Variants in ATP6V1B1 observed in about 807,000 individuals in gnomAD.
The protein encoded by ATP6V1B1 is ATPase H+ transporting V1 subunit B1.
A neutral mutation model predicts 62.1 loss-of-function variants in ATP6V1B1; 41 were observed. The ratio of observed to expected loss-of-function variants is 0.66; its 90% CI spans 0.51 to 0.86. The LOEUF (loss-of-function observed/expected upper bound fraction) is 0.86. Ranked by LOEUF, ATP6V1B1 falls within the 40% of genes least tolerant of loss-of-function variation. The pLI, the probability that ATP6V1B1 is intolerant of heterozygous loss-of-function variation, is 0.00. For missense variants in ATP6V1B1, 651 were observed against 697.5 expected, an observed-to-expected ratio of 0.93 and a Z score of 0.75; for synonymous variants, 253 against 273.4, an observed-to-expected ratio of 0.93 and a Z score of 0.74.
chr2:70,948,819 T>C (rs1381292019), intron 2 of ATP6V1B1, among the ~76,000 whole-genome samples: 2 of 152,100 alleles, frequency 1.3e-5, no homozygotes, highest in African/African-American at 4.8e-5. Flanking sequence ...CCCTTCCGTG[T>C]GATTGTCAGG....
chr2:70,963,776 C>T lies in ATP6V1B1; in HGVS notation c.1143+122C>T, dbSNP rs528175444. 6 of 1,050,356 alleles carry T rather than the reference C, an allele frequency of 5.7e-6. No individual in the cohort carries two copies. Among genetic ancestry groups the T allele is most frequent in the African/African-American group, 4.7e-5 (3 of 63,314 alleles). 65.1% of individuals were successfully genotyped at this position (1,050,356 alleles called of 1,614,324 possible). On this transcript the variant is annotated intron_variant, in intron 11 of 13. Transcript: ENST00000234396. This position sits in a 1 kb window ranked among gnomAD's most constrained non-coding sequence, Gnocchi z 4.3. ...GCCAAAGCGAACCCCAAACAGGAGA[C>T]AGCCACAGGGAAGACTGCATGGTTC...
In ATP6V1B1 at chr2:70,963,600, G is replaced by A. The variant is rs782584396; in HGVS notation, c.1089G>A (p.Thr363=). 17 of 1,614,038 alleles carry A rather than the reference G, an allele frequency of 1.1e-5. No homozygotes were observed. Among genetic ancestry groups the A allele is most frequent in the Admixed American group, 1.7e-5 (1 of 60,004 alleles). Residue 363 remains threonine (T), a synonymous_variant, in exon 11 of 14, where the codon ACG becomes ACA. Transcript: ENST00000234396. The surrounding 1 kb of genome is among the most constrained non-coding windows in gnomAD (Gnocchi z 4.3). The part of the protein sequence containing the change: ...DDITHPIPDL[T]GFITEGQIYV... ...TCACCCACCCTATCCCAGACTTGAC[G>A]GGCTTCATCACAGAGGGACAGATCT...
At chr2:70,961,750 A>G (rs1435008380) in intron 8 of ATP6V1B1, 57 bp downstream of exon 8, 14 of 1,534,162 alleles carry the variant, frequency 9.1e-6, no homozygotes, top group Non-Finnish European at 1.3e-5. Context: ...GTCCCCTTCC[A>G]AGACCTACAG....
intron 8 of ATP6V1B1, 137 bp from the exon 9 acceptor site, chr2:70,962,640 G>C: frequency 1.4e-6 from 2 of 1,410,528 alleles, no homozygotes; most frequent in Non-Finnish European, 9.7e-7. Flanking sequence ...GGGGATGGGG[G>C]CAAGGGCTCA....
intron 2 of ATP6V1B1, among the ~76,000 whole-genome samples, chr2:70,949,925 T>C (rs1182121915): frequency 1.3e-5 from 2 of 152,248 alleles, no homozygotes; most frequent in African/African-American, 4.8e-5. Flanking sequence ...TGCTCATCTG[T>C]CTTTTAATTG....
At chr2:70,947,529 C>T (rs1680212104) in intron 2 of ATP6V1B1, 1 of 152,230 alleles carries the variant, frequency 6.6e-6, no homozygotes, top group Admixed American at 6.5e-5. Flanking sequence ...GGAGTAAGCA[C>T]TCACCTTAAC....
At chr2:70,948,292 G>A (rs1281641277) in intron 2 of ATP6V1B1, 1 of 154,380 alleles carries the variant, frequency 6.5e-6, no homozygotes, top group Non-Finnish European at 1.5e-5. Context: ...AGGCTGAAGT[G>A]CAATGGCACG....
intron 2 of ATP6V1B1, chr2:70,944,230 G>A: frequency 7.8e-7 from 1 of 1,288,916 alleles, no homozygotes; most frequent in South Asian, 1.2e-5. Context: ...AACATGGGTG[G>A]TAAGTGAAGT....
At chr2:70,942,550 G>A (rs1283732758) in intron 1 of ATP6V1B1, 16 of 395,716 alleles carry the variant, frequency 4.0e-5, no homozygotes, top group Admixed American at 2.2e-4. Context: ...GGCCAGGCTT[G>A]CCCAAAGCAA....
Position 70,965,232 on chromosome 2 carries a change from C to G in ATP6V1B1, c.*111C>G, listed in dbSNP as rs571463662. ...CTTCTGCGCCGCCCTCCGCCCTCCG[C>G]TGGCTCCGAGGTGGTGGGGGCGCCG... On this transcript the variant is annotated 3_prime_UTR_variant, in exon 14 of 14. Coordinates refer to ENST00000234396, the MANE Select transcript of ATP6V1B1 (RefSeq NM_001692.4). The G allele has an allele frequency of 2.0e-6, 3 of 1,494,444 alleles. No homozygotes were observed. In the African/African-American group the frequency reaches 4.1e-5, roughly 21 times the overall value. The allele number at this position is 1,494,444 out of a possible 1,614,324, so 92.6% of individuals were successfully genotyped here. A position where few individuals can be genotyped will look rare whatever the true frequency, so the allele number is the denominator to read the frequency against.
At chr2:70,950,576 C>G (rs1680300192) in intron 2 of ATP6V1B1, among the ~76,000 whole-genome samples, 1 of 151,504 alleles carries the variant, frequency 6.6e-6, no homozygotes, top group Non-Finnish European at 1.5e-5. Flanking sequence ...TCTCCGTTGC[C>G]TCTTCTAACT....
intron 1 of ATP6V1B1, chr2:70,941,046 A>G: frequency 3.8e-6 from 2 of 525,990 alleles, no homozygotes; most frequent in South Asian, 8.1e-5. Context: ...GCCTCCTGAG[A>G]GCTGGGACCA....
At chr2:70,956,022 T>C (rs1680424129) in intron 2 of ATP6V1B1, 1 of 197,534 alleles carries the variant, frequency 5.1e-6, no homozygotes, top group Non-Finnish European at 1.2e-5. Context: ...AGCATACTTT[T>C]ACTAGCACAT....
intron 1 of ATP6V1B1, chr2:70,941,511 AC>A: frequency 2.1e-6 from 2 of 953,896 alleles, no homozygotes; most frequent in East Asian, 1.2e-4. Context: ...CTCCAAGCGC[AC>A]CCAGTCTGGT....
chr2:70,938,009 A>C (rs1679899981), intron 1 of ATP6V1B1, among the ~76,000 whole-genome samples: 1 of 152,074 alleles, frequency 6.6e-6, no homozygotes, highest in Non-Finnish European at 1.5e-5. Context: ...CAAACAACCC[A>C]ACAGTGGACC....
Position 70,943,411 on chromosome 2 carries a change from G to T in ATP6V1B1, c.119-247G>T, listed in dbSNP as rs61388622. The T allele has an allele frequency of 9.3e-6, 6 of 643,954 alleles. No homozygotes were observed. In the African/African-American group the frequency reaches 1.1e-4, roughly 11 times the overall value. The allele number at this position is 643,954 out of a possible 1,614,324, so 39.9% of individuals were successfully genotyped here. On this transcript the variant is annotated intron_variant, in intron 1 of 13. Coordinates refer to ENST00000234396, the MANE Select transcript of ATP6V1B1 (RefSeq NM_001692.4). The stretch of plus-strand genomic sequence containing the variant: ...TCTGTGTGGTGGGGGCGGACTCTGA[G>T]GAGGCCTCTGCCCTCTGCCTGGCCC...
intron 2 of ATP6V1B1, among the ~76,000 whole-genome samples, chr2:70,955,276 C>T (rs1044221623): frequency 2.0e-5 from 3 of 152,290 alleles, no homozygotes; most frequent in Admixed American, 6.5e-5. Flanking sequence ...ATTGCAAGTT[C>T]GACCTCCTGG....
chr2:70,943,751 A>G, intron 2 of ATP6V1B1, 38 bp downstream of exon 2: 1 of 1,611,196 alleles, frequency 6.2e-7, no homozygotes. Flanking sequence ...ACTAAGGCCA[A>G]ATCCCAGGGC....
At chr2:70,942,120 C>G in intron 1 of ATP6V1B1, 5 of 880,032 alleles carry the variant, frequency 5.7e-6, no homozygotes, top group Non-Finnish European at 7.5e-6. Context: ...GGTCCTTCAC[C>G]CCATGGAGTC....
Sources: allele counts gnomAD v4.1 joint callset (sites outside exome capture counted in the v4.1 genomes callset), GRCh38; gene constraint gnomAD v4.1.1; non-coding constraint Gnocchi (gnomAD v3.1); transcripts MANE v1.5; gene names NCBI Gene and HGNC (gene_info 2026-07-23, HGNC 2026-07-21).